SLCO1C1: variants seen among roughly 807,000 people sequenced by gnomAD.
SLCO1C1 encodes OAT-RP-5.
SLCO1C1 carries 70 observed loss-of-function variants against 76.4 expected under a neutral mutation model. That is an observed-to-expected ratio of 0.92 (90% CI 0.76 to 1.12). The LOEUF (loss-of-function observed/expected upper bound fraction) is 1.12. SLCO1C1 is among the 50% of genes most tolerant of loss of function. The pLI is 0.00. For synonymous variants in SLCO1C1, 306 were observed against 286.1 expected (o/e 1.07, Z -0.70); for missense variants, 912 against 823.8 (o/e 1.11, Z -1.31).
chr12:20,738,363 T>G (rs950779315), intron 11 of SLCO1C1, among the ~76,000 whole-genome samples: 3 of 152,094 alleles, frequency 2.0e-5, no homozygotes, highest in African/African-American at 7.2e-5. Flanking sequence ...ACTGATTAAA[T>G]TTGCCTTTAT....
Position 20,715,248 on chromosome 12 carries a change from T to A in SLCO1C1, c.639T>A (p.Asp213Glu). The A allele has an allele frequency of 6.2e-7, 1 of 1,614,070 alleles. No homozygotes were observed. Among genetic ancestry groups the A allele is most frequent in the East Asian group, 2.2e-5 (1 of 44,864 alleles). Residue 213 changes from aspartate (D) to glutamate (E), a missense_variant, in exon 6 of 15, where the codon GAT becomes GAA. Asp to Glu is a conservative substitution (Grantham distance 45, BLOSUM62 2). Transcript: ENST00000266509. ...AGCCTTTGGGCATTGCCTACCTGGA[T>A]GATTTTGCCAGTGAAGACAATGCAG... is the stretch of plus-strand genomic sequence containing the variant. ...PIQPLGIAYLDDFASEDNAAF... is the reference protein window; with the variant it reads ...PIQPLGIAYLEDFASEDNAAF...
intron 13 of SLCO1C1, among the ~76,000 whole-genome samples, chr12:20,747,848 G>T (rs1344815609): frequency 1.3e-5 from 2 of 152,070 alleles, no homozygotes; most frequent in Non-Finnish European, 2.9e-5. Flanking sequence ...ATACAGCAAA[G>T]ATAGCAATGA....
rs1303663652 is a variant in SLCO1C1, at chr12:20,711,300, A to T, written c.405-86A>T. The T allele has an allele frequency of 2.1e-6, 3 of 1,431,742 alleles. No homozygotes were observed. The African/African-American group carries it at 4.3e-5, about 20-fold the overall frequency. The allele number at this position is 1,431,742 out of a possible 1,614,324, so 88.7% of individuals were successfully genotyped here. ...GAGACAGCTGCAAGCTCAACCTGGT[A>T]CCCTAACGATTCGTGTAGCATACAC... On this transcript the variant is annotated intron_variant, in intron 4 of 14. Transcript: ENST00000266509.
intron 4 of SLCO1C1, among the ~76,000 whole-genome samples, chr12:20,707,786 A>T (rs1946853707): frequency 6.6e-6 from 1 of 152,132 alleles, no homozygotes. Context: ...ACTTTAAGTT[A>T]GTGACAAATA....
In SLCO1C1 at chr12:20,740,317, C is replaced by T. The variant is rs759787087; in HGVS notation, c.1682C>T (p.Thr561Ile). Residue 561 changes from threonine to isoleucine, a missense_variant, in exon 12 of 15, where the codon ACA (threonine) becomes ATA (isoleucine). Physicochemically the swap from Thr to Ile is moderately conservative, Grantham distance 89. Transcript: ENST00000266509. Reference sequence around the variant, plus strand: ...TATTTCCTTGTAATTTCAGTCATCACATCCTATACTTTATCCCTAGGTGGC... The same window carrying T: ...TATTTCCTTGTAATTTCAGTCATCATATCCTATACTTTATCCCTAGGTGGC... ...FLYFLVISVITSYTLSLGGIP... is the reference protein window; with the variant it reads ...FLYFLVISVIISYTLSLGGIP... The T allele has an allele frequency of 1.3e-5, 21 of 1,613,854 alleles. No individual in the cohort carries two copies. The highest frequency in any genetic ancestry group is 1.8e-5 in the Non-Finnish European group (21 of 1,179,904).
intron 4 of SLCO1C1, among the ~76,000 whole-genome samples, chr12:20,708,133 T>C (rs1257794412): frequency 6.6e-6 from 1 of 152,162 alleles, no homozygotes; most frequent in East Asian, 1.9e-4. Context: ...TTATCCAAAA[T>C]ATGATTTTCG....
chr12:20,740,655 C>T (rs575630483), intron 12 of SLCO1C1, among the ~76,000 whole-genome samples: 29 of 151,022 alleles, frequency 1.9e-4, no homozygotes, highest in East Asian at 1.2e-3. Flanking sequence ...CTACTTCTAA[C>T]GCTGGTGATA....
chr12:20,703,751 C>T (rs978862197), intron 3 of SLCO1C1, among the ~76,000 whole-genome samples: 2 of 151,602 alleles, frequency 1.3e-5, no homozygotes, highest in East Asian at 1.9e-4. Context: ...TAATGAACTG[C>T]GCTTGGTTGG....
chr12:20,752,298 T>G lies in SLCO1C1; in HGVS notation c.1917-8T>G, dbSNP rs1272596894. 6.7e-7 allele frequency: 1 copy of G among 1,503,190 alleles called. No homozygotes were observed. Among genetic ancestry groups the G allele is most frequent in the Non-Finnish European group, 9.0e-7 (1 of 1,114,410 alleles). The allele number at this position is 1,503,190 out of a possible 1,614,324, so 93.1% of individuals were successfully genotyped here. A position where few individuals can be genotyped will look rare whatever the true frequency, so the allele number is the denominator to read the frequency against. On this transcript the variant is annotated splice_polypyrimidine_tract_variant and splice_region_variant and intron_variant, in intron 14 of 14. Coordinates refer to ENST00000266509, the MANE Select transcript of SLCO1C1 (RefSeq NM_017435.5). ...ATTAATTATAACAGAGATTCTCTCTTCTTCTAGACATATATATCTGGGACT... is the reference window on the plus strand; with the variant it reads ...ATTAATTATAACAGAGATTCTCTCTGCTTCTAGACATATATATCTGGGACT...
rs1291599379 is a variant in SLCO1C1 at position 20,747,290 on chromosome 12, T to C, written c.1799-3385T>C. 4.6e-5 allele frequency among the ~76,000 whole-genome samples: 7 copies of C among 152,030 alleles called. No homozygotes were observed. The East Asian group carries it at 1.4e-3, about 29-fold the overall frequency. On this transcript the variant is annotated intron_variant, in intron 13 of 14. Coordinates refer to ENST00000266509, the MANE Select transcript of SLCO1C1 (RefSeq NM_017435.5). ...TAAAAATACAAAAATTAGCCTGGCATGGTGGTGCATGCTTGTGGTCCCAGA... is the reference window on the plus strand; with the variant it reads ...TAAAAATACAAAAATTAGCCTGGCACGGTGGTGCATGCTTGTGGTCCCAGA...
Position 20,723,268 on chromosome 12 carries a change from C to T in SLCO1C1, c.1186+14C>T. On this transcript the variant is annotated intron_variant, in intron 9 of 14. Transcript: ENST00000266509. ...ACTTTGTGATCGGTATGCTCATCTG[C>T]CTTTCATGCTTTCTCAGAGGGACTG... 1 of 1,611,406 alleles carries T rather than the reference C, an allele frequency of 6.2e-7. No homozygotes were observed. The highest frequency in any genetic ancestry group is 8.5e-7 in the Non-Finnish European group (1 of 1,179,242).
At chr12:20,725,820 C>A (rs146823787) in intron 9 of SLCO1C1, among the ~76,000 whole-genome samples, 1 of 152,002 alleles carries the variant, frequency 6.6e-6, no homozygotes, top group East Asian at 1.9e-4. Flanking sequence ...ATTGTCAATT[C>A]TTTTCACTGT....
At chr12:20,705,823 A>T in intron 3 of SLCO1C1, 126 bp from the exon 4 acceptor site, 2 of 885,698 alleles carry the variant, frequency 2.3e-6, no homozygotes, top group African/African-American at 1.7e-5. Flanking sequence ...GAAAAAAATT[A>T]AATGATGCAG....
chr12:20,712,705 A>G (rs1354036426), intron 5 of SLCO1C1, among the ~76,000 whole-genome samples: 1 of 152,202 alleles, frequency 6.6e-6, no homozygotes, highest in South Asian at 2.1e-4. Context: ...TAATATTCTC[A>G]TTAGTACATT....
Position 20,724,435 on chromosome 12 carries a change from ATATATATATATATATATG to A in SLCO1C1, c.1186+1183_1186+1200del, listed in dbSNP as rs1180813974. Among the ~76,000 whole-genome samples, 823 of 128,746 alleles carry A rather than the reference ATATATATATATATATATG, an allele frequency of 6.4e-3. 7 individuals carry two copies. The highest frequency in any genetic ancestry group is 0.031 in the Middle Eastern group (7 of 228). 84.5% of individuals were successfully genotyped at this position (128,746 alleles called of 152,430 possible). ...TGTATATATATATATATATATATATATATATATATATATATATGTGTGTGTGTGTGTGTGTGTGTGTGT... is the reference window on the plus strand; with the variant it reads ...TGTATATATATATATATATATATATATGTGTGTGTGTGTGTGTGTGTGTGT... On this transcript the variant is annotated intron_variant, in intron 9 of 14. Transcript: ENST00000266509.
In SLCO1C1 at chr12:20,715,303, C is replaced by A; in HGVS notation, c.676+18C>A. The A allele has an allele frequency of 6.2e-7, 1 of 1,610,572 alleles. No individual in the cohort carries two copies. Among genetic ancestry groups the A allele is most frequent in the Non-Finnish European group, 8.5e-7 (1 of 1,178,284 alleles). On this transcript the variant is annotated intron_variant, in intron 6 of 14. Coordinates refer to ENST00000266509, the MANE Select transcript of SLCO1C1 (RefSeq NM_017435.5). ...CTATATTGGTAATATTGGCATATTG[C>A]TTCACTTATCTTCTTGGGAAGCAGG...
intron 13 of SLCO1C1, among the ~76,000 whole-genome samples, chr12:20,745,163 GA>G (rs1948985690): frequency 1.3e-5 from 2 of 152,166 alleles, no homozygotes; most frequent in Non-Finnish European, 2.9e-5. Context: ...AGAAAGGGAA[GA>G]GGGATAAATT....
intron 9 of SLCO1C1, among the ~76,000 whole-genome samples, chr12:20,725,659 TA>T (rs1475031047): frequency 3.3e-5 from 5 of 149,346 alleles, no homozygotes; most frequent in Non-Finnish European, 5.9e-5. Context: ...TATATTATAT[TA>T]TACTGCTAAG....
intron 3 of SLCO1C1, among the ~76,000 whole-genome samples, chr12:20,705,178 G>A (rs992329678): frequency 2.0e-5 from 3 of 151,842 alleles, no homozygotes; most frequent in East Asian, 1.9e-4. Flanking sequence ...TAAAAGTAAC[G>A]TGTCACATGC....
Sources: gnomAD v4.1 joint callset for allele counts (sites outside exome capture counted in the v4.1 genomes callset) on GRCh38, gnomAD v4.1.1 for gene constraint, MANE v1.5 for transcripts, NCBI Gene and HGNC (gene_info 2026-07-23, HGNC 2026-07-21) for gene names.